C12orf56: variants seen among roughly 807,000 people sequenced by gnomAD.
The protein encoded by C12orf56 is uncharacterized protein C12orf56.
In C12orf56, 71 loss-of-function variants were observed where a neutral mutation model predicts 69.9. The ratio of observed to expected loss-of-function variants is 1.02; its 90% CI spans 0.84 to 1.24. The LOEUF (loss-of-function observed/expected upper bound fraction) is 1.24. Among genes scored for constraint, C12orf56 ranks in the 50% most tolerant of loss-of-function variants. The pLI is 0.00. For synonymous variants in C12orf56, 276 were observed against 274.1 expected (o/e 1.01, Z -0.07); for missense variants, 732 against 738.5 (o/e 0.99, Z 0.10).
At chr12:64,356,513 G>C (rs1186656058) in intron 1 of C12orf56, among the ~76,000 whole-genome samples, 1 of 152,190 alleles carries the variant, frequency 6.6e-6, no homozygotes, top group Non-Finnish European at 1.5e-5. Flanking sequence ...GTTGGCTAGG[G>C]TTGGACCGCA....
chr12:64,383,039 G>A (rs1011944620), intron 1 of C12orf56, among the ~76,000 whole-genome samples: 1 of 151,904 alleles, frequency 6.6e-6, no homozygotes, highest in Non-Finnish European at 1.5e-5. Context: ...ATCTCTGGCC[G>A]GGCGCAGTGG....
intron 3 of C12orf56, among the ~76,000 whole-genome samples, chr12:64,327,718 A>G (rs1323046027): frequency 6.6e-6 from 1 of 152,226 alleles, no homozygotes; most frequent in East Asian, 1.9e-4. Flanking sequence ...AAGGGGTCTC[A>G]ATGCGCATTT....
intron 6 of C12orf56, 53 bp from the exon 7 acceptor site, chr12:64,286,113 A>T (rs1418748234): frequency 4.5e-6 from 5 of 1,123,372 alleles, no homozygotes; most frequent in Non-Finnish European, 6.5e-6. Flanking sequence ...TGTTGTTAAA[A>T]TTCTCTACTC....
At chr12:64,300,445 C>T (rs945961260) in intron 6 of C12orf56, among the ~76,000 whole-genome samples, 3 of 152,172 alleles carry the variant, frequency 2.0e-5, no homozygotes, top group African/African-American at 7.2e-5. Flanking sequence ...GAATACACAT[C>T]AACATCCTTC....
At chr12:64,345,561 C>T (rs572870966) in intron 2 of C12orf56, among the ~76,000 whole-genome samples, 2 of 152,278 alleles carry the variant, frequency 1.3e-5, no homozygotes, top group South Asian at 4.1e-4. Context: ...TGAAGCTGTG[C>T]ATGTATCTTC....
chr12:64,376,406 T>C (rs1011405200), intron 1 of C12orf56, among the ~76,000 whole-genome samples: 3 of 152,254 alleles, frequency 2.0e-5, no homozygotes, highest in Admixed American at 6.5e-5. Context: ...TTGTAATGGT[T>C]ACTATCTTAA....
At chr12:64,314,995 A>G (rs1022689827) in intron 4 of C12orf56, among the ~76,000 whole-genome samples, 50 of 111,666 alleles carry the variant, frequency 4.5e-4, no homozygotes, top group African/African-American at 1.8e-3. Flanking sequence ...CTTGTTGCCC[A>G]GGCTGGAGTG....
At chr12:64,279,848 C>G (rs1292906952) in intron 8 of C12orf56, among the ~76,000 whole-genome samples, 1 of 152,174 alleles carries the variant, frequency 6.6e-6, no homozygotes, top group Non-Finnish European at 1.5e-5. Context: ...ATCAACAGAA[C>G]ACTCCCTTTA....
intron 5 of C12orf56, among the ~76,000 whole-genome samples, chr12:64,308,715 T>C (rs2136816455): frequency 6.6e-6 from 1 of 151,240 alleles, no homozygotes; most frequent in South Asian, 2.1e-4. Flanking sequence ...TGGTGGTGCA[T>C]GCCTGTAATC....
chr12:64,280,678 G>T (rs1371537854), intron 8 of C12orf56, among the ~76,000 whole-genome samples: 1 of 152,202 alleles, frequency 6.6e-6, no homozygotes, highest in Non-Finnish European at 1.5e-5. Flanking sequence ...GAGTAGGCTT[G>T]CTCTAATCAG....
At chr12:64,361,863 T>G (rs746777365) in intron 1 of C12orf56, among the ~76,000 whole-genome samples, 20 of 151,986 alleles carry the variant, frequency 1.3e-4, no homozygotes, top group Non-Finnish European at 2.2e-4. Context: ...CTCCCGAGTA[T>G]CTGGGATTAC....
chr12:64,366,917 C>CAT (rs1555194290), intron 1 of C12orf56, among the ~76,000 whole-genome samples: 164 of 121,254 alleles, frequency 1.4e-3, no homozygotes, highest in African/African-American at 2.6e-3. Flanking sequence ...TTATATATAA[C>CAT]ACAGTTTATA....
At chr12:64,362,454 G>A (rs1375626777) in intron 1 of C12orf56, among the ~76,000 whole-genome samples, 2 of 152,118 alleles carry the variant, frequency 1.3e-5, no homozygotes, top group South Asian at 4.1e-4. Context: ...CACTTTGGGA[G>A]GGTGAAGGGG....
At chr12:64,277,194 A>G (rs1279956740) in intron 9 of C12orf56, among the ~76,000 whole-genome samples, 1 of 152,054 alleles carries the variant, frequency 6.6e-6, no homozygotes, top group Non-Finnish European at 1.5e-5. Flanking sequence ...TGATATTTCT[A>G]ATGTCTTGGT....
intron 6 of C12orf56, among the ~76,000 whole-genome samples, chr12:64,301,319 A>G (rs2038442903): frequency 6.6e-6 from 1 of 152,158 alleles, no homozygotes; most frequent in Non-Finnish European, 1.5e-5. Flanking sequence ...GAAGCATGAC[A>G]AGATAATGAA....
chr12:64,280,832 A>ACCTC (rs2038112785), intron 8 of C12orf56, among the ~76,000 whole-genome samples: 1 of 152,148 alleles, frequency 6.6e-6, no homozygotes, highest in Non-Finnish European at 1.5e-5. Flanking sequence ...CCTGGCCAAC[A>ACCTC]CCTCAACTGA....
At chr12:64,309,305 A>C (rs1204753019) in intron 5 of C12orf56, among the ~76,000 whole-genome samples, 1 of 152,120 alleles carries the variant, frequency 6.6e-6, no homozygotes, top group Non-Finnish European at 1.5e-5. Context: ...CACTCTCCCC[A>C]ACCCCGGAGA....
At chr12:64,284,429 A>G (rs940337857) in intron 8 of C12orf56, among the ~76,000 whole-genome samples, 1 of 152,234 alleles carries the variant, frequency 6.6e-6, no homozygotes, top group Non-Finnish European at 1.5e-5. Flanking sequence ...TAGGACAAAA[A>G]AAAATTATGC....
At chr12:64,308,560 C>A (rs1043110479) in intron 5 of C12orf56, among the ~76,000 whole-genome samples, 5 of 151,256 alleles carry the variant, frequency 3.3e-5, no homozygotes, top group Non-Finnish European at 7.4e-5. Flanking sequence ...ATCCCATGTA[C>A]CCAGCTGGGC....
Sources: gnomAD v4.1 joint callset for allele counts (sites outside exome capture counted in the v4.1 genomes callset) on GRCh38, gnomAD v4.1.1 for gene constraint, MANE v1.5 for transcripts, NCBI Gene and HGNC (gene_info 2026-07-23, HGNC 2026-07-21) for gene names.